The following SCFD2 variants were observed in gnomAD, a reference collection of about 807,000 sequenced individuals.
The protein encoded by SCFD2 is sec1 family domain containing 2, also known as sec1 family domain-containing protein 2.
A neutral mutation model predicts 58.9 loss-of-function variants in SCFD2; 54 were observed. The ratio of observed to expected loss-of-function variants is 0.92; its 90% confidence interval spans 0.74 to 1.15. SCFD2 has a LOEUF of 1.15. Among genes scored for constraint, SCFD2 ranks in the 50% most tolerant of loss-of-function variants. The pLI is 0.00. For synonymous variants in SCFD2, 321 were observed against 335.9 expected, an observed-to-expected ratio of 0.96 and a Z score of 0.49; for missense variants, 805 against 836.6, an observed-to-expected ratio of 0.96 and a Z score of 0.47.
intron 7 of SCFD2, among the ~76,000 whole-genome samples, chr4:52,904,491 T>C (rs1024805597): frequency 4.6e-5 from 7 of 152,322 alleles, no homozygotes; most frequent in East Asian, 3.9e-4. Flanking sequence ...TCAACTCTAA[T>C]GCACACATTT....
chr4:53,338,371 C>T (rs578053328), intron 2 of SCFD2, among the ~76,000 whole-genome samples: 2 of 152,056 alleles, frequency 1.3e-5, no homozygotes, highest in African/African-American at 4.8e-5. Flanking sequence ...AGATGCAATA[C>T]ACTAAATAAA....
At chr4:53,032,126 G>A (rs1722630574) in intron 5 of SCFD2, among the ~76,000 whole-genome samples, 1 of 152,200 alleles carries the variant, frequency 6.6e-6, no homozygotes, top group Admixed American at 6.5e-5. Context: ...GAGAGTGGGG[G>A]CCAATATTCA....
chr4:53,343,846 C>A (rs987685839), intron 2 of SCFD2, among the ~76,000 whole-genome samples: 7 of 152,148 alleles, frequency 4.6e-5, no homozygotes, highest in African/African-American at 9.7e-5. Context: ...GAACCAAAGA[C>A]AAAAACCACA....
chr4:52,975,572 G>C (rs1328825726), intron 5 of SCFD2, among the ~76,000 whole-genome samples: 1 of 152,180 alleles, frequency 6.6e-6, no homozygotes, highest in African/African-American at 2.4e-5. Flanking sequence ...CACACTGTTG[G>C]TGGGACGGTA....
At chr4:52,992,443 C>T (rs927724535) in intron 5 of SCFD2, among the ~76,000 whole-genome samples, 20 of 152,240 alleles carry the variant, frequency 1.3e-4, no homozygotes, top group African/African-American at 4.1e-4. Flanking sequence ...TCTGCCGGGC[C>T]GCCACCCCGT....
At chr4:53,105,823 GT>G (rs1724977999) in intron 5 of SCFD2, among the ~76,000 whole-genome samples, 1 of 152,170 alleles carries the variant, frequency 6.6e-6, no homozygotes, top group South Asian at 2.1e-4. Flanking sequence ...TCCTAACACA[GT>G]GCTCGTGCTC....
intron 5 of SCFD2, among the ~76,000 whole-genome samples, chr4:52,969,070 C>A (rs984741179): frequency 1.3e-5 from 2 of 152,208 alleles, no homozygotes; most frequent in African/African-American, 2.4e-5. Context: ...ATCACCCTGG[C>A]CTGTCTTTGG....
chr4:53,232,075 A>G (rs2149008875), intron 4 of SCFD2, among the ~76,000 whole-genome samples: 1 of 152,278 alleles, frequency 6.6e-6, no homozygotes, highest in South Asian at 2.1e-4. Flanking sequence ...ATTAGTAACA[A>G]GAAATGCCAA....
intron 4 of SCFD2, among the ~76,000 whole-genome samples, chr4:53,178,402 C>A (rs1396701643): frequency 6.6e-6 from 1 of 152,174 alleles, no homozygotes; most frequent in Non-Finnish European, 1.5e-5. Flanking sequence ...CTGGAGTGGA[C>A]CTCTAGCAAA....
intron 3 of SCFD2, among the ~76,000 whole-genome samples, chr4:53,297,609 A>C (rs559996717): frequency 6.6e-6 from 1 of 152,054 alleles, no homozygotes; most frequent in Non-Finnish European, 1.5e-5. Flanking sequence ...TCTTTATCCA[A>C]TTTGCCAGTC....
At chr4:53,230,818 A>T (rs181246609) in intron 4 of SCFD2, among the ~76,000 whole-genome samples, 14 of 152,294 alleles carry the variant, frequency 9.2e-5, no homozygotes, top group Non-Finnish European at 1.9e-4. Flanking sequence ...CAGGTATTGA[A>T]ATCAGATATT....
intron 2 of SCFD2, among the ~76,000 whole-genome samples, chr4:53,332,210 C>T (rs570303351): frequency 1.3e-3 from 198 of 150,572 alleles, no homozygotes; most frequent in Non-Finnish European, 1.9e-3. Context: ...CTATTCCAAT[C>T]AATAGAAAAA....
At chr4:52,977,140 A>T (rs551847461) in intron 5 of SCFD2, among the ~76,000 whole-genome samples, 3 of 152,200 alleles carry the variant, frequency 2.0e-5, no homozygotes, top group African/African-American at 7.2e-5. Flanking sequence ...CTCCCACGGG[A>T]GAGTTGACTC....
intron 4 of SCFD2, among the ~76,000 whole-genome samples, chr4:53,183,390 A>T (rs984608785): frequency 1.3e-5 from 2 of 152,180 alleles, no homozygotes; most frequent in African/African-American, 4.8e-5. Context: ...TCCTCAGCAA[A>T]CTATCGCAAG....
chr4:52,892,292 C>G (rs1343278944), intron 7 of SCFD2, among the ~76,000 whole-genome samples: 5 of 152,182 alleles, frequency 3.3e-5, no homozygotes, highest in African/African-American at 1.2e-4. Context: ...TCCCCTTGGC[C>G]CTACTTGACC....
chr4:53,226,924 A>AT (rs1729235230), intron 4 of SCFD2, among the ~76,000 whole-genome samples: 1 of 152,092 alleles, frequency 6.6e-6, no homozygotes, highest in African/African-American at 2.4e-5. Context: ...AGGGGATTAC[A>AT]TTTTTTCTGT....
chr4:52,958,128 G>C (rs1023942508), intron 5 of SCFD2: 3 of 152,208 alleles, frequency 2.0e-5, no homozygotes, highest in South Asian at 2.1e-4. Context: ...TATCAAAATT[G>C]TTCCTTTAGA....
At chr4:52,965,715 A>G (rs1577865160) in intron 5 of SCFD2, among the ~76,000 whole-genome samples, 1 of 152,210 alleles carries the variant, frequency 6.6e-6, no homozygotes, top group South Asian at 2.1e-4. Flanking sequence ...ACAGCTCAGT[A>G]CCATACATGT....
At chr4:53,353,170 T>G (rs879354076) in intron 1 of SCFD2, among the ~76,000 whole-genome samples, 5 of 152,204 alleles carry the variant, frequency 3.3e-5, no homozygotes, top group Non-Finnish European at 2.9e-5. Context: ...TTCTTCCTTC[T>G]GGTGGGTTCG....
Sources: gnomAD v4.1 joint callset for allele counts (sites outside exome capture counted in the v4.1 genomes callset) on GRCh38, gnomAD v4.1.1 for gene constraint, MANE v1.5 for transcripts, NCBI Gene and HGNC (gene_info 2026-07-23, HGNC 2026-07-21) for gene names.